IQCB1: variants seen among roughly 807,000 people sequenced by gnomAD.
IQCB1 encodes IQ calmodulin-binding motif-containing protein 1.
A neutral mutation model predicts 84.4 loss-of-function variants in IQCB1; 56 were observed. That is an observed-to-expected ratio of 0.66 (90% CI 0.54 to 0.83). The LOEUF (loss-of-function observed/expected upper bound fraction) is 0.83. IQCB1 is among the 40% of genes least tolerant of loss of function. The pLI, the probability that IQCB1 is intolerant of heterozygous loss-of-function variation, is 0.00. For synonymous variants in IQCB1, 210 were observed against 234.8 expected (o/e 0.89, Z 0.96); for missense variants, 629 against 682.1 (o/e 0.92, Z 0.87).
chr3:121,781,525 G>A (rs1948491071), intron 13 of IQCB1, among the ~76,000 whole-genome samples: 1 of 152,012 alleles, frequency 6.6e-6, no homozygotes, highest in African/African-American at 2.4e-5. Flanking sequence ...ATTTAAAGCA[G>A]AGTCTCCTTC....
chr3:121,801,354 T>C (rs963387330), intron 7 of IQCB1, among the ~76,000 whole-genome samples: 1 of 152,086 alleles, frequency 6.6e-6, no homozygotes, highest in Non-Finnish European at 1.5e-5. Context: ...AGTCTTTATA[T>C]AGATACTTAC....
chr3:121,804,496 T>C (rs1385406526), intron 7 of IQCB1, among the ~76,000 whole-genome samples: 1 of 152,168 alleles, frequency 6.6e-6, no homozygotes, highest in East Asian at 1.9e-4. Context: ...ATATTTCTGC[T>C]GAGCATGTAA....
chr3:121,827,031 T>C (rs555384715), intron 4 of IQCB1, among the ~76,000 whole-genome samples: 1 of 152,180 alleles, frequency 6.6e-6, no homozygotes, highest in South Asian at 2.1e-4. Context: ...AAGAAAATGG[T>C]ATATTTCTTT....
intron 9 of IQCB1, among the ~76,000 whole-genome samples, chr3:121,796,026 T>C (rs1949180898): frequency 6.6e-6 from 1 of 152,124 alleles, no homozygotes; most frequent in Non-Finnish European, 1.5e-5. Flanking sequence ...GTGAGCTGTC[T>C]GAGTTCTTGA....
At chr3:121,784,550 A>G (rs1454698773) in intron 12 of IQCB1, among the ~76,000 whole-genome samples, 1 of 152,154 alleles carries the variant, frequency 6.6e-6, no homozygotes, top group Non-Finnish European at 1.5e-5. Flanking sequence ...CAATGTTTGT[A>G]TTCTATCAAA....
chr3:121,781,676 G>T (rs946914689), intron 13 of IQCB1, 67 bp downstream of exon 13: 2 of 1,324,240 alleles, frequency 1.5e-6, no homozygotes, highest in Non-Finnish European at 2.2e-6. Flanking sequence ...ATATGTGTGT[G>T]TGTGTACAGT....
intron 2 of IQCB1, among the ~76,000 whole-genome samples, chr3:121,831,493 T>C (rs1950638943): frequency 6.6e-6 from 1 of 152,158 alleles, no homozygotes; most frequent in African/African-American, 2.4e-5. Flanking sequence ...GGATTCCTCA[T>C]GTGTAGCTGG....
rs1361078902 is a variant in IQCB1 at position 121,788,485 on chromosome 3, G to A, written c.1130-53C>T. On this transcript the variant is annotated intron_variant, in intron 11 of 14. Transcript: ENST00000310864. ...CATACTCACTGCCATGCTTTCTTAA[G>A]TTCTGGAATCAGGACAATGATAATA... The A allele has an allele frequency of 1.7e-4, 255 of 1,495,100 alleles. 1 individual carries two copies. The highest frequency in any genetic ancestry group is 6.5e-6 in the Non-Finnish European group (7 of 1,074,010). The allele number at this position is 1,495,100 out of a possible 1,614,324, so 92.6% of individuals were successfully genotyped here. A position where few individuals can be genotyped will look rare whatever the true frequency, so the allele number is the denominator to read the frequency against.
intron 13 of IQCB1, among the ~76,000 whole-genome samples, chr3:121,774,965 A>G (rs767251746): frequency 2.0e-5 from 3 of 152,252 alleles, no homozygotes; most frequent in African/African-American, 4.8e-5. Context: ...GAGGCCACAC[A>G]AAACTTACTG....
rs776951316 is a variant in IQCB1, at chr3:121,788,249, T to C, written c.1278+35A>G. The C allele has an allele frequency of 3.7e-6, 6 of 1,608,758 alleles. 1 individual carries two copies. In the Middle Eastern group the frequency reaches 5.0e-4, roughly 133 times the overall value. ...AGTTTTGAACTCATGTTTTTGCCTC[T>C]TGATTCAGAGCTCTTTTCACTACAT... On this transcript the variant is annotated intron_variant, in intron 12 of 14. Coordinates refer to ENST00000310864, the MANE Select transcript of IQCB1 (RefSeq NM_001023570.4).
At chr3:121,804,251 A>G (rs990828911) in intron 7 of IQCB1, among the ~76,000 whole-genome samples, 7 of 152,244 alleles carry the variant, frequency 4.6e-5, no homozygotes, top group South Asian at 4.1e-4. Context: ...AATACATTCT[A>G]CTTATACATA....
chr3:121,772,382 A>G (rs948317478), intron 14 of IQCB1, among the ~76,000 whole-genome samples, 175 bp downstream of exon 14: 2 of 152,214 alleles, frequency 1.3e-5, no homozygotes, highest in Non-Finnish European at 2.9e-5. Flanking sequence ...GAAGGTGGTT[A>G]TAAAATCCGC....
chr3:121,828,653 A>T, intron 3 of IQCB1, 21 bp from the exon 4 acceptor site: 8 of 1,547,008 alleles, frequency 5.2e-6, no homozygotes, highest in Non-Finnish European at 7.1e-6. Flanking sequence ...AGGAAATAAG[A>T]TATATTTATT....
At chr3:121,807,298 C>T (rs1315012365) in intron 7 of IQCB1, 46 bp downstream of exon 7, 3 of 940,872 alleles carry the variant, frequency 3.2e-6, no homozygotes, top group East Asian at 2.4e-5. Flanking sequence ...ATTGGTAATG[C>T]TTCTGATAAA....
rs1950252995 is a variant in IQCB1 at position 121,820,977 on chromosome 3, TC to T, written c.393+5073del. 3.5e-5 allele frequency among the ~76,000 whole-genome samples: 3 copies of T among 85,954 alleles called. No homozygotes were observed. In the South Asian group the frequency reaches 1.2e-3, roughly 34 times the overall value. 56.4% of individuals were successfully genotyped at this position (85,954 alleles called of 152,430 possible). On this transcript the variant is annotated intron_variant, in intron 5 of 14. Transcript: ENST00000310864. ...TCAAGTTCAAACTTTTTCTGTTTTT[TC>T]CTTTTTTTTCTTTTTTTCTTTTTTT... is the stretch of plus-strand genomic sequence containing the variant.
At chr3:121,821,386 C>T (rs1333097240) in intron 5 of IQCB1, among the ~76,000 whole-genome samples, 3 of 152,066 alleles carry the variant, frequency 2.0e-5, no homozygotes, top group Non-Finnish European at 4.4e-5. Flanking sequence ...CCTGTAATGC[C>T]CTCATATTTC....
rs1325649441 is a variant in IQCB1, at chr3:121,781,674, G to A, written c.1410+69C>T. 3 of 1,304,230 alleles carry A rather than the reference G, an allele frequency of 2.3e-6. No homozygotes were observed. The East Asian group carries it at 7.0e-5, about 30-fold the overall frequency. The allele number at this position is 1,304,230 out of a possible 1,614,324, so 80.8% of individuals were successfully genotyped here. A position where few individuals can be genotyped will look rare whatever the true frequency, so the allele number is the denominator to read the frequency against. On this transcript the variant is annotated intron_variant, in intron 13 of 14. Coordinates refer to ENST00000310864, the MANE Select transcript of IQCB1 (RefSeq NM_001023570.4). ...ACACACACACACACAATATATGTGT[G>A]TGTGTGTACAGTTATCAATATCATG...
At position 121,816,087 on chromosome 3, in the gene IQCB1, A is replaced by C. The variant is rs544785859; in HGVS notation, c.394-7078T>G. On this transcript the variant is annotated intron_variant, in intron 5 of 14. Transcript: ENST00000310864. Reference sequence around the variant, plus strand: ...CAAAACACATATATAGACCAATGGAACAGAACAGAGGCCTCAGAAATAACA... The same window carrying C: ...CAAAACACATATATAGACCAATGGACCAGAACAGAGGCCTCAGAAATAACA... Among the ~76,000 whole-genome samples, 13 of 152,284 alleles carry C rather than the reference A, an allele frequency of 8.5e-5. No individual in the cohort carries two copies. The East Asian group carries it at 2.5e-3, about 29-fold the overall frequency.
chr3:121,780,447 T>A (rs1300882895), intron 13 of IQCB1, among the ~76,000 whole-genome samples: 1 of 152,204 alleles, frequency 6.6e-6, no homozygotes, highest in South Asian at 2.1e-4. Flanking sequence ...ACTTTTTCCA[T>A]TGTCTACCTC....
Sources: allele counts gnomAD v4.1 joint callset (sites outside exome capture counted in the v4.1 genomes callset), GRCh38; gene constraint gnomAD v4.1.1; transcripts MANE v1.5; gene names NCBI Gene and HGNC (gene_info 2026-07-23, HGNC 2026-07-21).